SETDB2: variants seen among roughly 807,000 people sequenced by gnomAD.
The protein encoded by SETDB2 is histone-lysine N-methyltransferase SETDB2.
SETDB2 carries 56 observed loss-of-function variants against 82.5 expected under a neutral mutation model. The ratio of observed to expected loss-of-function variants is 0.68; its 90% CI spans 0.55 to 0.85. The LOEUF (loss-of-function observed/expected upper bound fraction) is 0.85. Ranked by LOEUF, SETDB2 falls within the 40% of genes least tolerant of loss-of-function variation. The pLI is 0.00. For synonymous variants in SETDB2, 272 were observed against 284.9 expected, an observed-to-expected ratio of 0.95 and a Z score of 0.46; for missense variants, 677 against 816.4, an observed-to-expected ratio of 0.83 and a Z score of 2.08.
chr13:49,471,549 G>A (rs1190640927), intron 5 of SETDB2, among the ~76,000 whole-genome samples: 2 of 151,704 alleles, frequency 1.3e-5, no homozygotes, highest in Non-Finnish European at 2.9e-5. Flanking sequence ...CATACTGGGT[G>A]ACACTGGGCT....
rs569763509 is a variant in SETDB2, at chr13:49,476,972, T to A, written c.802T>A (p.Tyr268Asn). The change falls in exon 6 of 14, where the codon TAT (tyrosine) becomes AAT (asparagine). Residue 268 changes from tyrosine to asparagine, a missense_variant. Transcript: ENST00000611815. ...CAGAAAGACTGTGTGGCCTCGAGCA[T>A]ATAATCTAACCAACTTTTCCAGCAT... ...KYRKTVWPRA[Y>N]NLTNFSSMFT... The A allele has an allele frequency of 1.1e-5, 18 of 1,613,584 alleles. No homozygotes were observed. In the South Asian group the frequency reaches 2.0e-4, roughly 18 times the overall value.
At chr13:49,487,371 T>G (rs1958618080) in intron 11 of SETDB2, among the ~76,000 whole-genome samples, 1 of 152,204 alleles carries the variant, frequency 6.6e-6, no homozygotes, top group Admixed American at 6.5e-5. Flanking sequence ...CGACTCATTC[T>G]GTCACCCAAG....
intron 12 of SETDB2, among the ~76,000 whole-genome samples, chr13:49,490,031 C>T (rs946683957): frequency 2.7e-5 from 4 of 149,504 alleles, no homozygotes; most frequent in African/African-American, 9.8e-5. Context: ...AATCCCAGCA[C>T]TTTGGGAAGC....
chr13:49,480,863 C>G, intron 7 of SETDB2, 84 bp from the exon 8 acceptor site: 1 of 1,444,518 alleles, frequency 6.9e-7, no homozygotes, highest in South Asian at 1.3e-5. Flanking sequence ...GCCTGCTTCC[C>G]TCAGTAGTTA....
At position 49,464,198 on chromosome 13, in the gene SETDB2, T is replaced by C. The variant is rs1594145377; in HGVS notation, c.208+3036T>C. On this transcript the variant is annotated intron_variant, in intron 4 of 13. Transcript: ENST00000611815. ...ATTTGTAACAGTGTCTGTCTGAGTA[T>C]AGTACTGACTTCCTCTGCTCTCCCT... The C allele has an allele frequency of 6.3e-6, 4 of 636,980 alleles. No individual in the cohort carries two copies. The East Asian group carries it at 1.1e-4, about 18-fold the overall frequency. The allele number at this position is 636,980 out of a possible 1,614,324, so 39.5% of individuals were successfully genotyped here.
chr13:49,449,984 A>G (rs529037928), intron 1 of SETDB2, among the ~76,000 whole-genome samples: 44 of 152,180 alleles, frequency 2.9e-4, no homozygotes, highest in African/African-American at 1.1e-3. Flanking sequence ...GCTTGGCTGG[A>G]TATAGAGTTC....
At position 49,483,591 on chromosome 13, in the gene SETDB2, CCTT is replaced by C. The variant is rs750667344; in HGVS notation, c.1482+32_1482+34del. The C allele has an allele frequency of 2.1e-4, 170 of 805,996 alleles. 1 individual carries two copies. The highest frequency in any genetic ancestry group is 3.1e-4 in the Non-Finnish European group (159 of 519,002). 49.9% of individuals were successfully genotyped at this position (805,996 alleles called of 1,614,324 possible). A position where few individuals can be genotyped will look rare whatever the true frequency, so the allele number is the denominator to read the frequency against. The stretch of plus-strand genomic sequence containing the variant: ...AAAAAATGCAAAATGTAGTTGGGAC[CCTT>C]CTTTTCTTTTTTAAATTTTTTTTTT... On this transcript the variant is annotated intron_variant, in intron 10 of 13. Coordinates refer to ENST00000611815, the MANE Select transcript of SETDB2 (RefSeq NM_001160308.3).
intron 4 of SETDB2, among the ~76,000 whole-genome samples, chr13:49,464,408 G>T (rs1424467972): frequency 6.6e-6 from 1 of 152,098 alleles, no homozygotes; most frequent in Non-Finnish European, 1.5e-5. Flanking sequence ...ATCTCATCTG[G>T]ACAATCCTTA....
chr13:49,457,769 C>G (rs1316943572), intron 2 of SETDB2, among the ~76,000 whole-genome samples: 1 of 152,114 alleles, frequency 6.6e-6, no homozygotes, highest in Non-Finnish European at 1.5e-5. Flanking sequence ...TTCATTGAGT[C>G]TTGATTGTTG....
intron 1 of SETDB2, among the ~76,000 whole-genome samples, chr13:49,449,414 C>A (rs1957748245): frequency 6.6e-6 from 1 of 152,024 alleles, no homozygotes; most frequent in South Asian, 2.1e-4. Flanking sequence ...CCACACCCAG[C>A]TAATTTTTGT....
chr13:49,460,331 G>A, intron 3 of SETDB2, 99 bp downstream of exon 3: 1 of 1,230,064 alleles, frequency 8.1e-7, no homozygotes, highest in Non-Finnish European at 1.1e-6. Context: ...TGTAAAAGTA[G>A]ATGGATGTAA....
In SETDB2 at chr13:49,467,973, A is replaced by G; in HGVS notation, c.305+13A>G. 1 of 1,526,180 alleles carries G rather than the reference A, an allele frequency of 6.6e-7. No individual in the cohort carries two copies. The highest frequency in any genetic ancestry group is 8.9e-7 in the Non-Finnish European group (1 of 1,119,872). The allele number at this position is 1,526,180 out of a possible 1,614,324, so 94.5% of individuals were successfully genotyped here. A position where few individuals can be genotyped will look rare whatever the true frequency, so the allele number is the denominator to read the frequency against. ...ACTGTACATTTCTGTATGTATATAA[A>G]TTCTTTGTTATTAATGCTTTTGCTC... is the stretch of plus-strand genomic sequence containing the variant. On this transcript the variant is annotated intron_variant, in intron 5 of 13. Transcript: ENST00000611815.
chr13:49,451,935 C>A, intron 2 of SETDB2, 26 bp downstream of exon 2: 1 of 1,546,676 alleles, frequency 6.5e-7, no homozygotes, highest in Non-Finnish European at 8.8e-7. Flanking sequence ...CACTGTTACA[C>A]TTTATATCTA....
chr13:49,483,491 AATTCAATATC>A lies in SETDB2; in HGVS notation c.1416_1425del (p.Tyr473LeufsTer42). On this transcript the variant is annotated frameshift_variant, in exon 10 of 14. Transcript: ENST00000611815. LOFTEE classifies it high-confidence loss of function. ...AAACGAAATATGATAATATTTCAAG[AATTCAATATC>A]ATTCAGTTATTAGAGATCCTGAATC... 1 of 1,428,594 alleles carries A rather than the reference AATTCAATATC, an allele frequency of 7.0e-7. No individual in the cohort carries two copies. The highest frequency in any genetic ancestry group is 9.5e-7 in the Non-Finnish European group (1 of 1,057,944). The allele number at this position is 1,428,594 out of a possible 1,614,324, so 88.5% of individuals were successfully genotyped here. A position where few individuals can be genotyped will look rare whatever the true frequency, so the allele number is the denominator to read the frequency against.
chr13:49,489,596 C>CTT (rs58715452), intron 12 of SETDB2, among the ~76,000 whole-genome samples: 60,753 of 100,406 alleles, frequency 0.61, 19,875 homozygotes, highest in East Asian at 0.67. Flanking sequence ...CATATTTATT[C>CTT]TTTTTTTTTT....
chr13:49,472,786 T>G (rs1958275934), intron 5 of SETDB2, among the ~76,000 whole-genome samples: 1 of 152,198 alleles, frequency 6.6e-6, no homozygotes, highest in South Asian at 2.1e-4. Flanking sequence ...CCTCTTCTGT[T>G]TTTTTCTCTT....
chr13:49,448,900 G>A (rs1957739352), intron 1 of SETDB2, among the ~76,000 whole-genome samples: 1 of 152,096 alleles, frequency 6.6e-6, no homozygotes, highest in Admixed American at 6.6e-5. Flanking sequence ...ATATTTCAGA[G>A]TGATGTTATT....
intron 2 of SETDB2, among the ~76,000 whole-genome samples, chr13:49,453,303 CTT>C (rs199758121): frequency 7.0e-6 from 1 of 143,794 alleles, no homozygotes. Flanking sequence ...TCTTTTTTTT[CTT>C]TTTTTTTTTA....
intron 4 of SETDB2, among the ~76,000 whole-genome samples, chr13:49,464,936 T>A (rs758828148): frequency 2.8e-4 from 42 of 151,908 alleles, no homozygotes; most frequent in Non-Finnish European, 5.1e-4. Flanking sequence ...TGTGGTGGTG[T>A]GTGCCTGTGA....
Sources: gnomAD v4.1 joint callset for allele counts (sites outside exome capture counted in the v4.1 genomes callset) on GRCh38, gnomAD v4.1.1 for gene constraint, MANE v1.5 for transcripts, NCBI Gene and HGNC (gene_info 2026-07-23, HGNC 2026-07-21) for gene names.